Variants in TBC1D16 observed in about 807,000 individuals in gnomAD.
The protein encoded by TBC1D16 is TBC1 domain family member 16, also known as CTD-2529O21.1.
A neutral mutation model predicts 74.7 loss-of-function variants in TBC1D16; 58 were observed. The ratio of observed to expected loss-of-function variants is 0.78; its 90% CI spans 0.63 to 0.97. The LOEUF is 0.97. Among genes scored for constraint, TBC1D16 ranks in the 50% least tolerant of loss-of-function variants. TBC1D16 has a pLI of 0.00. For missense variants in TBC1D16, 1,014 were observed against 1,079.5 expected (o/e 0.94, Z 0.85); for synonymous variants, 493 against 474.7 (o/e 1.04, Z -0.50).
Position 79,945,058 on chromosome 17 carries a change from C to T in TBC1D16, c.1758G>A (p.Thr586=), listed in dbSNP as rs746336676. ...LLYLRELLRL[T]HVRFYQHLVS... ...CCAGGTGCTGGTAGAAGCGCACGTG[C>T]GTCAGCCGCAGCAGCTCGCGCAGGT... The change falls in exon 10 of 12, where the codon ACG becomes ACA. Residue 586 remains threonine, a synonymous_variant. Coordinates refer to ENST00000310924, the MANE Select transcript of TBC1D16 (RefSeq NM_019020.4). 1.0e-5 allele frequency: 16 copies of T among 1,585,254 alleles called. No individual in the cohort carries two copies. Among genetic ancestry groups the T allele is most frequent in the Admixed American group, 1.8e-5 (1 of 54,970 alleles).
intron 8 of TBC1D16, 47 bp from the exon 9 acceptor site, chr17:79,947,878 G>C: frequency 6.5e-7 from 1 of 1,527,868 alleles, no homozygotes; most frequent in South Asian, 1.2e-5. Context: ...CCCTCACCGC[G>C]GCACACTGCC....
rs887335821 is a variant in TBC1D16 at position 79,981,909 on chromosome 17, GCACA to G, written c.779+28247_779+28250del. Among the ~76,000 whole-genome samples the G allele has an allele frequency of 4.5e-4, 69 of 152,218 alleles. No homozygotes were observed. The highest frequency in any genetic ancestry group is 1.6e-3 in the African/African-American group (67 of 41,548). On this transcript the variant is annotated intron_variant, in intron 3 of 11. Coordinates refer to ENST00000310924, the MANE Select transcript of TBC1D16 (RefSeq NM_019020.4). This position sits in a 1 kb window ranked among gnomAD's most constrained non-coding sequence, Gnocchi z 6.9. ...GCGGCCCTCCGGGGCTTCCCTGTGCGCACACACACACGCACACACACACACATGC... is the reference window on the plus strand; with the variant it reads ...GCGGCCCTCCGGGGCTTCCCTGTGCGCACACACGCACACACACACACATGC...
rs1055351964 is a variant in TBC1D16, at chr17:79,944,108, C to T, written c.1908+800G>A. The T allele has an allele frequency of 2.0e-6, 3 of 1,535,928 alleles. No individual in the cohort carries two copies. The African/African-American group carries it at 4.1e-5, about 21-fold the overall frequency. ...CTCGCTTTCATCAGACATCAGCCCC[C>T]TGCGGTGTGAGTGAGGACAGGAGAC... On this transcript the variant is annotated intron_variant, in intron 10 of 11. Transcript: ENST00000310924. The surrounding 1 kb of genome is among the most constrained non-coding windows in gnomAD (Gnocchi z 7.7).
At chr17:80,033,974 T>C (rs1449566930) in intron 1 of TBC1D16, among the ~76,000 whole-genome samples, 1 of 152,176 alleles carries the variant, frequency 6.6e-6, no homozygotes, top group African/African-American at 2.4e-5. Flanking sequence ...AGCTGGGACG[T>C]CCTGGGCCTA....
rs1349113731 is a variant in TBC1D16, at chr17:79,983,651, G to A, written c.779+26509C>T. 6.6e-6 allele frequency among the ~76,000 whole-genome samples: 1 copy of A among 152,200 alleles called. No homozygotes were observed. Among genetic ancestry groups the A allele is most frequent in the Non-Finnish European group, 1.5e-5 (1 of 68,028 alleles). Reference sequence around the variant, plus strand: ...GCAAAGCCTGCTTTAGGAGAGCAAGGAAGTGCCGCCCACGGCATTCCGGAA... The same window carrying A: ...GCAAAGCCTGCTTTAGGAGAGCAAGAAAGTGCCGCCCACGGCATTCCGGAA... On this transcript the variant is annotated intron_variant, in intron 3 of 11. Coordinates refer to ENST00000310924, the MANE Select transcript of TBC1D16 (RefSeq NM_019020.4). This position sits in a 1 kb window ranked among gnomAD's most constrained non-coding sequence, Gnocchi z 5.6.
At chr17:80,006,448 A>G (rs2035682558) in intron 3 of TBC1D16, among the ~76,000 whole-genome samples, 2 of 152,082 alleles carry the variant, frequency 1.3e-5, no homozygotes. Flanking sequence ...TACAGCGTCT[A>G]GGACAATTAA....
Position 80,025,110 on chromosome 17 carries a change from AAACAC to A in TBC1D16, c.-63+10680_-63+10684del, listed in dbSNP as rs2036521569. ...TGACACACACACACCATATACACAC[AAACAC>A]CACAGACACACACACACCATAGGCA... On this transcript the variant is annotated intron_variant, in intron 1 of 11. Coordinates refer to ENST00000310924, the MANE Select transcript of TBC1D16 (RefSeq NM_019020.4). Among the ~76,000 whole-genome samples, 2 of 10,832 alleles carry A rather than the reference AAACAC, an allele frequency of 1.8e-4. 1 individual carries two copies. The highest frequency in any genetic ancestry group is 4.6e-4 in the Non-Finnish European group (2 of 4,340). The allele number at this position is 10,832 out of a possible 152,430, so 7.1% of individuals were successfully genotyped here. A position where few individuals can be genotyped will look rare whatever the true frequency, so the allele number is the denominator to read the frequency against.
chr17:79,998,250 G>C (rs1024999857), intron 3 of TBC1D16, among the ~76,000 whole-genome samples: 2 of 150,788 alleles, frequency 1.3e-5, no homozygotes, highest in African/African-American at 4.9e-5. Context: ...GTGTTGATCT[G>C]TTTACTGTCT....
chr17:79,936,246 C>T lies in TBC1D16; in HGVS notation c.*4613G>A, dbSNP rs933144184. 1 of 152,254 alleles carries T rather than the reference C, an allele frequency of 6.6e-6. No homozygotes were observed. The highest frequency in any genetic ancestry group is 1.5e-5 in the Non-Finnish European group (1 of 68,062). 9.4% of individuals were successfully genotyped at this position (152,254 alleles called of 1,614,324 possible). A position where few individuals can be genotyped will look rare whatever the true frequency, so the allele number is the denominator to read the frequency against. On this transcript the variant is annotated 3_prime_UTR_variant, in exon 12 of 12. Coordinates refer to ENST00000310924, the MANE Select transcript of TBC1D16 (RefSeq NM_019020.4). ...TTTACAGAAGAGTCACAGAGAGGCT[C>T]GCCCTCGGCGGAGGACACACAGCTG...
Position 79,961,321 on chromosome 17 carries a change from G to T in TBC1D16, c.780-8503C>A, listed in dbSNP as rs1317700796. On this transcript the variant is annotated intron_variant, in intron 3 of 11. Coordinates refer to ENST00000310924, the MANE Select transcript of TBC1D16 (RefSeq NM_019020.4). This position sits in a 1 kb window ranked among gnomAD's most constrained non-coding sequence, Gnocchi z 4.8. ...ATACTCCTACTCACCTATTAGAATG[G>T]CTACAGTGGACAAGACTGATCATAG... Among the ~76,000 whole-genome samples, 1 of 152,182 alleles carries T rather than the reference G, an allele frequency of 6.6e-6. No homozygotes were observed. The highest frequency in any genetic ancestry group is 1.5e-5 in the Non-Finnish European group (1 of 68,044).
In TBC1D16 at chr17:79,987,349, C is replaced by T. The variant is rs981250550; in HGVS notation, c.779+22811G>A. Among the ~76,000 whole-genome samples, 78 of 152,136 alleles carry T rather than the reference C, an allele frequency of 5.1e-4. No individual in the cohort carries two copies. The highest frequency in any genetic ancestry group is 5.3e-4 in the Non-Finnish European group (36 of 67,988). ...TCCGCTTCCACCTCTTGGGCTCAAG[C>T]GATCCTCCCACTTCAGCCTCCCGAG... is the stretch of plus-strand genomic sequence containing the variant. On this transcript the variant is annotated intron_variant, in intron 3 of 11. Transcript: ENST00000310924. This position sits in a 1 kb window ranked among gnomAD's most constrained non-coding sequence, Gnocchi z 5.2.
chr17:80,033,943 A>C (rs1294389597), intron 1 of TBC1D16, among the ~76,000 whole-genome samples: 5 of 152,190 alleles, frequency 3.3e-5, no homozygotes, highest in Admixed American at 6.6e-5. Flanking sequence ...CAGAGGGCAA[A>C]GTTGTACAAC....
rs1330164160 is a variant in TBC1D16, at chr17:79,938,938, C to G, written c.*1921G>C. ...ATGAGCATCCCCTGGGACTTAACAA[C>G]CCACTGGCCCTAAACAAACAAGCCC... On this transcript the variant is annotated 3_prime_UTR_variant, in exon 12 of 12. Coordinates refer to ENST00000310924, the MANE Select transcript of TBC1D16 (RefSeq NM_019020.4). 6.6e-6 allele frequency: 1 copy of G among 152,570 alleles called. No homozygotes were observed. Among genetic ancestry groups the G allele is most frequent in the East Asian group, 1.9e-4 (1 of 5,206 alleles). 9.5% of individuals were successfully genotyped at this position (152,570 alleles called of 1,614,324 possible). A position where few individuals can be genotyped will look rare whatever the true frequency, so the allele number is the denominator to read the frequency against.
chr17:80,018,837 G>A (rs973837016), intron 1 of TBC1D16, among the ~76,000 whole-genome samples: 6 of 149,918 alleles, frequency 4.0e-5, no homozygotes, highest in Non-Finnish European at 8.8e-5. Flanking sequence ...CTGGCCTCAA[G>A]TGATCCTCCT....
intron 3 of TBC1D16, among the ~76,000 whole-genome samples, chr17:79,960,232 A>C (rs2143884259): frequency 6.6e-6 from 1 of 152,318 alleles, no homozygotes; most frequent in South Asian, 2.1e-4. Flanking sequence ...ATCATTCTAT[A>C]CAGAATATAG....
In TBC1D16 at chr17:80,000,472, A is replaced by G. The variant is rs943330053; in HGVS notation, c.779+9688T>C. On this transcript the variant is annotated intron_variant, in intron 3 of 11. Transcript: ENST00000310924. The surrounding 1 kb of genome is among the most constrained non-coding windows in gnomAD (Gnocchi z 4.1). ...GCAGCCACTCAAACCGGAAGAGACC[A>G]GGAAGGACCCTCCCCTAGACCTTCC... 1.2e-4 allele frequency among the ~76,000 whole-genome samples: 18 copies of G among 152,218 alleles called. No individual in the cohort carries two copies. The highest frequency in any genetic ancestry group is 2.2e-4 in the Non-Finnish European group (15 of 68,022).
At chr17:79,977,234 G>C (rs2034368073) in intron 3 of TBC1D16, among the ~76,000 whole-genome samples, 1 of 152,168 alleles carries the variant, frequency 6.6e-6, no homozygotes, top group Non-Finnish European at 1.5e-5. Context: ...CGAAGAGAAG[G>C]GAAGATGCAT....
rs1197030538 is a variant in TBC1D16, at chr17:79,934,371, C to T, written c.*6488G>A. The T allele has an allele frequency of 6.6e-6, 1 of 152,310 alleles. No individual in the cohort carries two copies. The highest frequency in any genetic ancestry group is 2.4e-5 in the African/African-American group (1 of 41,454). The allele number at this position is 152,310 out of a possible 1,614,324, so 9.4% of individuals were successfully genotyped here. ...GCTGACCCGTGCAGGTGGGATCATC[C>T]TTCCTGAGGAGCTGCCCTGCCCAGT... is the stretch of plus-strand genomic sequence containing the variant. On this transcript the variant is annotated 3_prime_UTR_variant, in exon 12 of 12. Coordinates refer to ENST00000310924, the MANE Select transcript of TBC1D16 (RefSeq NM_019020.4).
intron 8 of TBC1D16, 129 bp downstream of exon 8, chr17:79,948,743 G>C (rs1034956142): frequency 3.4e-5 from 42 of 1,244,542 alleles, no homozygotes; most frequent in Non-Finnish European, 4.5e-5. Context: ...TTCACTTCTG[G>C]GGCTTTGATG....
Sources: allele counts gnomAD v4.1 joint callset (sites outside exome capture counted in the v4.1 genomes callset), GRCh38; gene constraint gnomAD v4.1.1; non-coding constraint Gnocchi (gnomAD v3.1); transcripts MANE v1.5; gene names NCBI Gene and HGNC (gene_info 2026-07-23, HGNC 2026-07-21).